Variants in CDH6 observed in about 807,000 individuals in gnomAD.
CDH6 encodes the protein cadherin 6.
Under a neutral mutation model 78.0 loss-of-function variants are expected in CDH6, and 31 were observed. The observed-to-expected ratio is 0.40, with a 90% CI of 0.30 to 0.54. The LOEUF (loss-of-function observed/expected upper bound fraction) is 0.54, where lower values mean the gene tolerates loss of function less well. Among genes scored for constraint, CDH6 ranks in the 20% least tolerant of loss-of-function variants. The probability of loss-of-function intolerance (pLI) is 0.56; values close to 1 mark genes in which losing one functional copy is unlikely to be tolerated. For missense variants in CDH6, 724 were observed against 975.9 expected, an observed-to-expected ratio of 0.74 and a Z score of 3.44; for synonymous variants, 376 against 368.8, an observed-to-expected ratio of 1.02 and a Z score of -0.23.
intron 6 of CDH6, among the ~76,000 whole-genome samples, chr5:31,302,814 AAG>A (rs1561066087): frequency 7.2e-5 from 10 of 138,796 alleles, no homozygotes; most frequent in Non-Finnish European, 1.6e-4. Flanking sequence ...GAAAGAAAGA[AAG>A]AAAGAAAGAA....
At chr5:31,284,665 G>T (rs1742966633) in intron 2 of CDH6, among the ~76,000 whole-genome samples, 1 of 152,208 alleles carries the variant, frequency 6.6e-6, no homozygotes, top group East Asian at 1.9e-4. Context: ...GACCTCGAGG[G>T]CAGTATGTGA....
chr5:31,221,131 C>A (rs1369467658), intron 1 of CDH6, among the ~76,000 whole-genome samples: 1 of 152,198 alleles, frequency 6.6e-6, no homozygotes, highest in African/African-American at 2.4e-5. Context: ...ATTATGCAAG[C>A]ACAGCCTGGC....
rs1483300286 is a variant in CDH6, at chr5:31,325,423, A to G, written c.*2115A>G. ...TTGATATGTATCATAGTCACAGGTA[A>G]GTGTTGAAAAAAGCTTAGTAAAGTT... On this transcript the variant is annotated 3_prime_UTR_variant, in exon 12 of 12. Transcript: ENST00000265071. The G allele has an allele frequency of 4.3e-6, 1 of 231,958 alleles. No individual in the cohort carries two copies. Among genetic ancestry groups the G allele is most frequent in the Non-Finnish European group, 8.5e-6 (1 of 117,384 alleles). 14.4% of individuals were successfully genotyped at this position (231,958 alleles called of 1,614,324 possible). A position where few individuals can be genotyped will look rare whatever the true frequency, so the allele number is the denominator to read the frequency against.
At chr5:31,302,598 A>G (rs1206689620) in intron 6 of CDH6, among the ~76,000 whole-genome samples, 1 of 151,142 alleles carries the variant, frequency 6.6e-6, no homozygotes, top group East Asian at 1.9e-4. Context: ...CTGTAATCCC[A>G]GCTACTCTGG....
At chr5:31,207,946 C>T (rs1160553075) in intron 1 of CDH6, among the ~76,000 whole-genome samples, 1 of 152,118 alleles carries the variant, frequency 6.6e-6, no homozygotes, top group African/African-American at 2.4e-5. Flanking sequence ...GTCGGGGCTA[C>T]AAAGTCCAGT....
rs1233347244 is a variant in CDH6 at position 31,302,246 on chromosome 5, T to C, written c.947T>C (p.Phe316Ser). The C allele has an allele frequency of 6.2e-7, 1 of 1,613,988 alleles. No individual in the cohort carries two copies. Among genetic ancestry groups the C allele is most frequent in the African/African-American group, 1.3e-5 (1 of 74,920 alleles). ...ACAGACGGTGAGGGGCTGGATATGT[T>C]TGATGTCATCACCGACCAGGAAACC... ...SITDGEGLDM[F>S]DVITDQETQE... The change falls in exon 6 of 12, where the codon TTT becomes TCT. Residue 316 changes from phenylalanine (F) to serine (S), a missense_variant. Coordinates refer to ENST00000265071, the MANE Select transcript of CDH6 (RefSeq NM_004932.4).
At chr5:31,213,964 A>G (rs894030679) in intron 1 of CDH6, among the ~76,000 whole-genome samples, 3 of 152,058 alleles carry the variant, frequency 2.0e-5, no homozygotes, top group African/African-American at 4.8e-5. Context: ...CACCATAGAA[A>G]CAGCCATTGT....
At chr5:31,200,771 G>C (rs1027898053) in intron 1 of CDH6, among the ~76,000 whole-genome samples, 1 of 151,916 alleles carries the variant, frequency 6.6e-6, no homozygotes, top group African/African-American at 2.4e-5. Context: ...ATACAGTCAC[G>C]TTTTATATGG....
intron 1 of CDH6, among the ~76,000 whole-genome samples, chr5:31,242,709 G>A (rs539691898): frequency 2.7e-5 from 4 of 150,334 alleles, no homozygotes; most frequent in East Asian, 2.0e-4. Flanking sequence ...AATGGGGGGG[G>A]GCGGTTAGAA....
intron 7 of CDH6, among the ~76,000 whole-genome samples, chr5:31,311,208 T>A (rs1738140688): frequency 6.6e-6 from 1 of 152,232 alleles, no homozygotes; most frequent in African/African-American, 2.4e-5. Context: ...CTGCCAAATA[T>A]CCTAAATCAT....
rs1006892008 is a variant in CDH6, at chr5:31,294,567, C to T, written c.523+311C>T. Among the ~76,000 whole-genome samples, 1 of 129,466 alleles carries T rather than the reference C, an allele frequency of 7.7e-6. No homozygotes were observed. Among genetic ancestry groups the T allele is most frequent in the Non-Finnish European group, 1.7e-5 (1 of 58,902 alleles). The allele number at this position is 129,466 out of a possible 152,430, so 84.9% of individuals were successfully genotyped here. ...ATTCTCTTTCTTGGGCTGAAAGCAA[C>T]CTTCTCCACTTCTCTTAGCCTATGT... On this transcript the variant is annotated intron_variant, in intron 3 of 11. Coordinates refer to ENST00000265071, the MANE Select transcript of CDH6 (RefSeq NM_004932.4). The surrounding 1 kb of genome is among the most constrained non-coding windows in gnomAD (Gnocchi z 4.1).
intron 7 of CDH6, among the ~76,000 whole-genome samples, chr5:31,306,608 C>T (rs949690723): frequency 2.6e-5 from 4 of 152,098 alleles, no homozygotes; most frequent in African/African-American, 9.7e-5. Context: ...GTCAATTACT[C>T]CCCATAAACA....
chr5:31,259,065 G>A lies in CDH6; in HGVS notation c.-128-8281G>A, dbSNP rs186750999. On this transcript the variant is annotated intron_variant, in intron 1 of 11. Transcript: ENST00000265071. Reference sequence around the variant, plus strand: ...TCTCAGGATTGTCACGAGAATTCACGAAAGCACCTTTGTGATGGGCTTAGC... The same window carrying A: ...TCTCAGGATTGTCACGAGAATTCACAAAAGCACCTTTGTGATGGGCTTAGC... Among the ~76,000 whole-genome samples, 32 of 152,300 alleles carry A rather than the reference G, an allele frequency of 2.1e-4. No individual in the cohort carries two copies. In the East Asian group the frequency reaches 4.1e-3, roughly 19 times the overall value.
At chr5:31,212,225 T>C (rs1740728410) in intron 1 of CDH6, among the ~76,000 whole-genome samples, 1 of 152,190 alleles carries the variant, frequency 6.6e-6, no homozygotes, top group Non-Finnish European at 1.5e-5. Flanking sequence ...GGGCCTAGCA[T>C]GTGAAAATAC....
intron 1 of CDH6, among the ~76,000 whole-genome samples, chr5:31,209,547 A>G (rs1740633870): frequency 6.6e-6 from 1 of 152,176 alleles, no homozygotes; most frequent in African/African-American, 2.4e-5. Context: ...GGCGGTCAGA[A>G]AAGCAAGCTA....
intron 7 of CDH6, among the ~76,000 whole-genome samples, chr5:31,306,097 T>C (rs537164034): frequency 6.6e-6 from 1 of 152,240 alleles, no homozygotes; most frequent in Non-Finnish European, 1.5e-5. Flanking sequence ...AGAAAAAGTA[T>C]GATTTTTAAC....
At chr5:31,200,567 TACACACACACACAC>T (rs10533381) in intron 1 of CDH6, among the ~76,000 whole-genome samples, 1 of 144,372 alleles carries the variant, frequency 6.9e-6, no homozygotes, top group African/African-American at 2.5e-5. Context: ...CACACATACA[TACACACACACACAC>T]ACACACACAC....
At chr5:31,202,110 CTT>C (rs11324213) in intron 1 of CDH6, among the ~76,000 whole-genome samples, 1 of 151,870 alleles carries the variant, frequency 6.6e-6, no homozygotes, top group Non-Finnish European at 1.5e-5. Flanking sequence ...AAATCAGTGT[CTT>C]TTTTTTTCTA....
At position 31,323,217 on chromosome 5, in the gene CDH6, A is replaced by T; in HGVS notation, c.2282A>T (p.Asp761Val). ...CTGGAGTCAGTGACCACGGATGCAG[A>T]TCAAGACTATGATTACCTTAGTGAC... is the stretch of plus-strand genomic sequence containing the variant. ...SSLESVTTDA[D>V]QDYDYLSDWG... The change falls in exon 12 of 12, where the codon GAT becomes GTT. Residue 761 changes from aspartate to valine, a missense_variant. Coordinates refer to ENST00000265071, the MANE Select transcript of CDH6 (RefSeq NM_004932.4). The T allele has an allele frequency of 2.5e-6, 4 of 1,614,188 alleles. No homozygotes were observed. Among genetic ancestry groups the T allele is most frequent in the Non-Finnish European group, 3.4e-6 (4 of 1,180,028 alleles).
Sources: gnomAD v4.1 joint callset for allele counts (sites outside exome capture counted in the v4.1 genomes callset) on GRCh38, gnomAD v4.1.1 for gene constraint, Gnocchi (gnomAD v3.1) non-coding constraint, MANE v1.5 for transcripts, NCBI Gene and HGNC (gene_info 2026-07-23, HGNC 2026-07-21) for gene names.